The following TOX2 variants were observed in gnomAD, a reference collection of about 807,000 sequenced individuals.
TOX2 encodes granulosa cell HMG box 1.
In TOX2, 15 loss-of-function variants were observed where a neutral mutation model predicts 47.4. The ratio of observed to expected loss-of-function variants is 0.32; its 90% CI spans 0.21 to 0.49. The LOEUF (loss-of-function observed/expected upper bound fraction) is 0.49. TOX2 is among the 20% of genes least tolerant of loss of function. The pLI is 0.99. For missense variants in TOX2, 622 were observed against 673.1 expected (o/e 0.92, Z 0.84); for synonymous variants, 290 against 296.6 (o/e 0.98, Z 0.23).
In TOX2 at chr20:43,915,838, C is replaced by T. The variant is rs1350684786; in HGVS notation, c.99+848C>T. Among the ~76,000 whole-genome samples, 5 of 152,232 alleles carry T rather than the reference C, an allele frequency of 3.3e-5. No individual in the cohort carries two copies. Among genetic ancestry groups the T allele is most frequent in the Admixed American group, 3.3e-4 (5 of 15,290 alleles). On this transcript the variant is annotated intron_variant, in intron 1 of 8. Transcript: ENST00000341197. This position sits in a 1 kb window ranked among gnomAD's most constrained non-coding sequence, Gnocchi z 7.1. ...GGCTGTAGTGCCGGACACCCTCCCT[C>T]CTCCATGTTTCCAGGATCTATCCCC...
At chr20:43,931,166 G>A (rs2069248310) in intron 1 of TOX2, among the ~76,000 whole-genome samples, 1 of 152,118 alleles carries the variant, frequency 6.6e-6, no homozygotes, top group East Asian at 1.9e-4. Context: ...AAAGACAGAG[G>A]CTTGCTCTAT....
At chr20:43,921,370 C>A (rs980754786) in intron 1 of TOX2, among the ~76,000 whole-genome samples, 10 of 152,208 alleles carry the variant, frequency 6.6e-5, no homozygotes, top group Admixed American at 6.5e-5. Flanking sequence ...GATTCTGGAA[C>A]CTGGCAGACT....
Position 44,066,098 on chromosome 20 carries a change from AGG to A in TOX2, c.1349_1350del (p.Gly450AlafsTer9). The A allele has an allele frequency of 6.5e-7, 1 of 1,548,290 alleles. No homozygotes were observed. Among genetic ancestry groups the A allele is most frequent in the Non-Finnish European group, 8.7e-7 (1 of 1,148,076 alleles). On this transcript the variant is annotated frameshift_variant, in exon 7 of 9. Transcript: ENST00000341197. LOFTEE classifies it high-confidence loss of function. Reference protein sequence around the residue: ...VQLAMSPSPPGPQDFPHISEF... With the variant: ...VQLAMSPSPPXPQDFPHISEF... ...AGCTGGCGATGAGCCCCTCACCTCC[AGG>A]GCCACAGGTAAGCAGGGAAGAGCAG...
intron 2 of TOX2, 64 bp from the exon 3 acceptor site, chr20:44,006,483 T>C (rs1488099669): frequency 1.3e-6 from 2 of 1,543,186 alleles, no homozygotes; most frequent in South Asian, 1.2e-5. Context: ...TTATTGGTGC[T>C]GTTGGGTATG....
At chr20:44,054,241 G>A (rs951637927) in intron 4 of TOX2, 58 bp from the exon 5 acceptor site, 48 of 1,538,498 alleles carry the variant, frequency 3.1e-5, no homozygotes, top group Admixed American at 1.6e-4. Context: ...TGTGTTGATC[G>A]CCTTTGGCAG....
At chr20:43,998,745 A>G (rs1256309440) in intron 2 of TOX2, among the ~76,000 whole-genome samples, 18 of 151,862 alleles carry the variant, frequency 1.2e-4, no homozygotes, top group Non-Finnish European at 1.9e-4. Flanking sequence ...CTATCTATCT[A>G]TCTATCTATC....
chr20:43,940,951 C>T (rs2069395401), intron 1 of TOX2, among the ~76,000 whole-genome samples: 1 of 152,200 alleles, frequency 6.6e-6, no homozygotes, highest in African/African-American at 2.4e-5. Flanking sequence ...TCATTACCAG[C>T]TTACCTGGCG....
chr20:44,047,334 C>T (rs2071425857), intron 3 of TOX2, among the ~76,000 whole-genome samples: 1 of 152,146 alleles, frequency 6.6e-6, no homozygotes. Context: ...ATCTCAACTC[C>T]TGCCCTAGAT....
At chr20:43,951,863 A>G (rs996113015) in intron 1 of TOX2, among the ~76,000 whole-genome samples, 2 of 145,278 alleles carry the variant, frequency 1.4e-5, no homozygotes, top group African/African-American at 5.1e-5. Flanking sequence ...ACATACCACC[A>G]TGCCTGGCTA....
intron 1 of TOX2, among the ~76,000 whole-genome samples, chr20:43,958,124 T>G (rs1465477234): frequency 6.6e-6 from 1 of 152,190 alleles, no homozygotes; most frequent in Admixed American, 6.5e-5. Flanking sequence ...ATGCCCTCCT[T>G]AATCTTGATA....
intron 1 of TOX2, among the ~76,000 whole-genome samples, chr20:43,949,328 A>G (rs2069520996): frequency 2.0e-5 from 3 of 152,144 alleles, no homozygotes. Context: ...TGACCGCAGG[A>G]GCCTCCTCCC....
intron 2 of TOX2, among the ~76,000 whole-genome samples, chr20:43,975,847 C>A (rs1357982366): frequency 6.6e-6 from 1 of 152,040 alleles, no homozygotes; most frequent in Non-Finnish European, 1.5e-5. Context: ...CCCAGTGGGG[C>A]ATAGTGTCTG....
chr20:43,993,971 A>G (rs2070417174), intron 2 of TOX2, among the ~76,000 whole-genome samples: 1 of 151,584 alleles, frequency 6.6e-6, no homozygotes, highest in Non-Finnish European at 1.5e-5. Flanking sequence ...TGGGCAATAT[A>G]GCAAGACCCG....
chr20:44,061,262 A>AC (rs2145786420), intron 5 of TOX2, among the ~76,000 whole-genome samples: 1 of 152,270 alleles, frequency 6.6e-6, no homozygotes, highest in South Asian at 2.1e-4. Context: ...AAAGGCCAGG[A>AC]CCAGATAGAT....
At chr20:43,964,886 G>A (rs1334141518) in intron 1 of TOX2, among the ~76,000 whole-genome samples, 1 of 152,128 alleles carries the variant, frequency 6.6e-6, no homozygotes, top group East Asian at 1.9e-4. Flanking sequence ...TCCTTGCCTA[G>A]TCACCTCCTT....
chr20:43,950,096 C>G (rs1476571202), intron 1 of TOX2, among the ~76,000 whole-genome samples: 1 of 152,162 alleles, frequency 6.6e-6, no homozygotes, highest in Non-Finnish European at 1.5e-5. Flanking sequence ...CTCTTTCCCA[C>G]TTGCTGGATT....
intron 1 of TOX2, among the ~76,000 whole-genome samples, chr20:43,926,506 G>A (rs1352684291): frequency 1.3e-5 from 2 of 152,182 alleles, no homozygotes; most frequent in Admixed American, 6.5e-5. Context: ...GGGAGAGCAA[G>A]TAAGTCTTCC....
Position 44,068,916 on chromosome 20 carries a change from G to C in TOX2, c.*230G>C, listed in dbSNP as rs2071887288. The C allele has an allele frequency of 1.4e-6, 1 of 689,778 alleles. No individual in the cohort carries two copies. The highest frequency in any genetic ancestry group is 1.8e-5 in the African/African-American group (1 of 56,514). The allele number at this position is 689,778 out of a possible 1,614,324, so 42.7% of individuals were successfully genotyped here. On this transcript the variant is annotated 3_prime_UTR_variant, in exon 9 of 9. Coordinates refer to ENST00000341197, the MANE Select transcript of TOX2 (RefSeq NM_001098797.2). ...AACCTGCAGGAACCTTCCGCCCGCT[G>C]ACCTGCTTGCTCCAGGGTAACTGTG...
chr20:44,025,076 A>G (rs544355736), intron 3 of TOX2, among the ~76,000 whole-genome samples: 1 of 152,308 alleles, frequency 6.6e-6, no homozygotes, highest in Non-Finnish European at 1.5e-5. Flanking sequence ...GTTGATGGAC[A>G]TTTAGGCTAT....
Sources: gnomAD v4.1 joint callset for allele counts (sites outside exome capture counted in the v4.1 genomes callset) on GRCh38, gnomAD v4.1.1 for gene constraint, Gnocchi (gnomAD v3.1) non-coding constraint, MANE v1.5 for transcripts, NCBI Gene and HGNC (gene_info 2026-07-23, HGNC 2026-07-21) for gene names.